The following SLFN12L variants were observed in gnomAD, a reference collection of about 807,000 sequenced individuals.
The protein encoded by SLFN12L is schlafen family member 12-like.
SLFN12L carries 34 observed loss-of-function variants against 34.8 expected under a neutral mutation model. The observed-to-expected ratio is 0.98, with a 90% CI of 0.74 to 1.30. The LOEUF is 1.30. Ranked by LOEUF, SLFN12L falls within the 50% of genes most tolerant of loss-of-function variation. SLFN12L has a pLI of 0.00. For missense variants in SLFN12L, 703 were observed against 696.2 expected, an observed-to-expected ratio of 1.01 and a Z score of -0.11; for synonymous variants, 259 against 247.5, an observed-to-expected ratio of 1.05 and a Z score of -0.44.
chr17:35,499,312 T>C (rs1050266687), intron 2 of SLFN12L: 1 of 620,398 alleles, frequency 1.6e-6, no homozygotes, highest in Non-Finnish European at 2.4e-6. Context: ...TAATGCCATG[T>C]AACCTGTAGC....
chr17:35,465,073 T>A lies in SLFN12L; in HGVS notation c.*9850A>T, dbSNP rs1913700758. On this transcript the variant is annotated 3_prime_UTR_variant, in exon 5 of 5. Coordinates refer to ENST00000628453, the MANE Select transcript of SLFN12L (RefSeq NM_001363830.2). Reference sequence around the variant, plus strand: ...TGTATTTTTTAGTAGAGATGAGGTTTCACTATATGTTCGCCAGGCTGGTCT... The same window carrying A: ...TGTATTTTTTAGTAGAGATGAGGTTACACTATATGTTCGCCAGGCTGGTCT... Among the ~76,000 whole-genome samples the A allele has an allele frequency of 6.6e-6, 1 of 152,176 alleles. No homozygotes were observed.
At position 35,492,656 on chromosome 17, in the gene SLFN12L, C is replaced by T. The variant is rs558442307; in HGVS notation, c.87-12461G>A. Among the ~76,000 whole-genome samples the T allele has an allele frequency of 1.5e-4, 23 of 152,240 alleles. No individual in the cohort carries two copies. In the South Asian group the frequency reaches 2.1e-3, roughly 14 times the overall value. ...AGCAAAACAATTCCAGGGTGTCTCC[C>T]GCTTTACTCTTCAGGAATGGTGTCC... is the stretch of plus-strand genomic sequence containing the variant. On this transcript the variant is annotated intron_variant, in intron 2 of 4. Transcript: ENST00000628453.
chr17:35,480,913 T>C (rs967218602), intron 2 of SLFN12L, among the ~76,000 whole-genome samples: 1 of 152,084 alleles, frequency 6.6e-6, no homozygotes, highest in Admixed American at 6.5e-5. Flanking sequence ...AGAATAGTTA[T>C]ACTAAAAATA....
At chr17:35,483,850 G>A (rs891145104) in intron 2 of SLFN12L, among the ~76,000 whole-genome samples, 16 of 152,142 alleles carry the variant, frequency 1.1e-4, no homozygotes, top group African/African-American at 3.6e-4. Flanking sequence ...CCACTATCAC[G>A]CAGATACTCA....
rs1236549941 is a variant in SLFN12L, at chr17:35,530,428, AGGGAAGGGAAGGG to A, written c.-606+7132_-606+7144del. The stretch of plus-strand genomic sequence containing the variant: ...AAGGAAGGAAGGAAGGAAGGAAGGA[AGGGAAGGGAAGGG>A]AAGAAAGAAAGAAAGAAAGAAAGAA... On this transcript the variant is annotated intron_variant, in intron 1 of 4. Transcript: ENST00000628453. Among the ~76,000 whole-genome samples the A allele has an allele frequency of 1.5e-3, 15 of 9,910 alleles. 1 individual carries two copies. Among genetic ancestry groups the A allele is most frequent in the African/African-American group, 3.6e-3 (15 of 4,170 alleles). 6.5% of individuals were successfully genotyped at this position (9,910 alleles called of 152,430 possible).
chr17:35,479,135 T>C lies in SLFN12L; in HGVS notation c.1147A>G (p.Met383Val). The C allele has an allele frequency of 1.3e-6, 2 of 1,564,262 alleles. No homozygotes were observed. The highest frequency in any genetic ancestry group is 1.7e-6 in the Non-Finnish European group (2 of 1,152,804). The change falls in exon 3 of 5, where the codon ATG (methionine) becomes GTG (valine). Residue 383 changes from methionine to valine, a missense_variant. Physicochemically the swap from Met to Val is conservative, Grantham distance 21. Transcript: ENST00000628453. ...CCTCAACCTGGTTCTGAATCCACCA[T>C]GAACTGGATCCATTCCTTCTCGGTC... is the stretch of plus-strand genomic sequence containing the variant. ...QLTEKEWIQF[M>V]VDSEPVCEEL...
In SLFN12L at chr17:35,473,708, G is replaced by C. The variant is rs1006834069; in HGVS notation, c.*1215C>G. On this transcript the variant is annotated 3_prime_UTR_variant, in exon 5 of 5. Coordinates refer to ENST00000628453, the MANE Select transcript of SLFN12L (RefSeq NM_001363830.2). ...GGATTCTTTCCTCTTTTATTGTTTG[G>C]AATAGTTTCAGTAGAAATGGTACCA... is the stretch of plus-strand genomic sequence containing the variant. 6.6e-6 allele frequency: 1 copy of C among 152,138 alleles called. No individual in the cohort carries two copies. Among genetic ancestry groups the C allele is most frequent in the African/African-American group, 2.4e-5 (1 of 41,430 alleles). The allele number at this position is 152,138 out of a possible 1,614,324, so 9.4% of individuals were successfully genotyped here. A position where few individuals can be genotyped will look rare whatever the true frequency, so the allele number is the denominator to read the frequency against.
chr17:35,498,442 G>A (rs1227896755), intron 2 of SLFN12L: 1 of 1,310,672 alleles, frequency 7.6e-7, no homozygotes. Flanking sequence ...CAGTTTGGAC[G>A]ACTGCGGAAT....
chr17:35,487,474 C>G (rs558573136), intron 2 of SLFN12L, among the ~76,000 whole-genome samples: 2 of 152,246 alleles, frequency 1.3e-5, no homozygotes, highest in East Asian at 1.9e-4. Flanking sequence ...ACGGACCACC[C>G]CCCCCGGACC....
At chr17:35,511,148 T>G (rs959679586) in intron 2 of SLFN12L, among the ~76,000 whole-genome samples, 7 of 152,224 alleles carry the variant, frequency 4.6e-5, no homozygotes. Flanking sequence ...AGAAAACATT[T>G]TAAGATGCAG....
chr17:35,476,501 G>C (rs201515654), intron 4 of SLFN12L, among the ~76,000 whole-genome samples: 2 of 135,964 alleles, frequency 1.5e-5, no homozygotes, highest in Non-Finnish European at 3.2e-5. Flanking sequence ...AAGGAAGGAA[G>C]GAAGGAAGGA....
At chr17:35,478,217 G>A (rs1271966519) in intron 3 of SLFN12L, 32 bp from the exon 4 acceptor site, 13 of 1,420,098 alleles carry the variant, frequency 9.2e-6, no homozygotes, top group South Asian at 2.5e-5. Flanking sequence ...CAAAAATCAC[G>A]CTCTTAATTT....
At chr17:35,477,357 C>T (rs8064887) in intron 4 of SLFN12L, among the ~76,000 whole-genome samples, 29,790 of 151,950 alleles carry the variant, frequency 0.2, 3,308 homozygotes, top group Middle Eastern at 0.31. Flanking sequence ...TTTATAACCC[C>T]GGGGTAGGGA....
chr17:35,527,930 A>T (rs1300552747), intron 1 of SLFN12L, among the ~76,000 whole-genome samples: 3 of 152,210 alleles, frequency 2.0e-5, no homozygotes, highest in Non-Finnish European at 2.9e-5. Context: ...TTTGCAGATG[A>T]CATGATTGTA....
intron 2 of SLFN12L, chr17:35,514,657 T>C (rs1322667455): frequency 1.4e-5 from 4 of 289,026 alleles, no homozygotes; most frequent in African/African-American, 7.1e-5. Flanking sequence ...TTTGGTAGAT[T>C]TCAATGTAGA....
At chr17:35,503,752 C>A (rs549378159) in intron 2 of SLFN12L, among the ~76,000 whole-genome samples, 1 of 152,050 alleles carries the variant, frequency 6.6e-6, no homozygotes, top group South Asian at 2.1e-4. Flanking sequence ...GCACATGTAC[C>A]ACCCCTAGAA....
chr17:35,537,195 T>G (rs569018519), intron 1 of SLFN12L, among the ~76,000 whole-genome samples: 5 of 151,988 alleles, frequency 3.3e-5, no homozygotes, highest in African/African-American at 1.2e-4. Context: ...AAAAAGAGAA[T>G]CTTCACAGGC....
intron 2 of SLFN12L, among the ~76,000 whole-genome samples, chr17:35,507,691 G>A (rs933056742): frequency 6.6e-6 from 1 of 152,168 alleles, no homozygotes; most frequent in Non-Finnish European, 1.5e-5. Context: ...CTTATAATAG[G>A]AGTTATAATA....
In SLFN12L at chr17:35,522,524, G is replaced by C; in HGVS notation, c.-160C>G. 6.2e-7 allele frequency: 1 copy of C among 1,612,480 alleles called. No individual in the cohort carries two copies. The highest frequency in any genetic ancestry group is 8.5e-7 in the Non-Finnish European group (1 of 1,179,156). On this transcript the variant is annotated 5_prime_UTR_variant, in exon 2 of 5. Transcript: ENST00000628453. ...GGTCACTCAAGAGAGACCTGAAGCC[G>C]AGCAAGACAATCACGAGGGACTGCA...
Sources: allele counts gnomAD v4.1 joint callset (sites outside exome capture counted in the v4.1 genomes callset), GRCh38; gene constraint gnomAD v4.1.1; transcripts MANE v1.5; gene names NCBI Gene and HGNC (gene_info 2026-07-23, HGNC 2026-07-21).